Variants in ENOX1 observed in about 807,000 individuals in gnomAD.
The protein encoded by ENOX1 is ecto-NOX disulfide-thiol exchanger 1.
In ENOX1, 42 loss-of-function variants were observed where a neutral mutation model predicts 82.5. That is an observed-to-expected ratio of 0.51 (90% confidence interval 0.40 to 0.66). The LOEUF (loss-of-function observed/expected upper bound fraction) is 0.66. ENOX1 is among the 30% of genes least tolerant of loss of function. The pLI is 0.00. For synonymous variants in ENOX1, 271 were observed against 282.2 expected, an observed-to-expected ratio of 0.96 and a Z score of 0.40; for missense variants, 608 against 811.6, an observed-to-expected ratio of 0.75 and a Z score of 3.05.
intron 1 of ENOX1, among the ~76,000 whole-genome samples, chr13:43,752,686 G>A (rs1950385119): frequency 6.6e-6 from 1 of 152,124 alleles, no homozygotes; most frequent in African/African-American, 2.4e-5. Context: ...CTATACACAT[G>A]TGGATCTACT....
chr13:43,598,427 A>G (rs975752459), intron 2 of ENOX1, among the ~76,000 whole-genome samples: 6 of 152,220 alleles, frequency 3.9e-5, no homozygotes, highest in African/African-American at 1.4e-4. Context: ...AAGTACTAGT[A>G]TCAGAACTCC....
chr13:43,635,486 G>C (rs2083379540), intron 2 of ENOX1, among the ~76,000 whole-genome samples: 2 of 152,160 alleles, frequency 1.3e-5, no homozygotes, highest in Admixed American at 1.3e-4. Flanking sequence ...AATATAAAAA[G>C]AATAAATGTA....
rs544594524 is a variant in ENOX1 at position 43,449,883 on chromosome 13, A to G, written c.-75+34126T>C. Among the ~76,000 whole-genome samples, 7 of 152,316 alleles carry G rather than the reference A, an allele frequency of 4.6e-5. No homozygotes were observed. The East Asian group carries it at 7.7e-4, about 17-fold the overall frequency. Reference sequence around the variant, plus strand: ...TCCCTGGCAGCAGTTATTTCTATCTAAAGCATATATACCATATTAAGAGGC... The same window carrying G: ...TCCCTGGCAGCAGTTATTTCTATCTGAAGCATATATACCATATTAAGAGGC... On this transcript the variant is annotated intron_variant, in intron 3 of 16. Transcript: ENST00000690772.
chr13:43,347,959 T>C (rs895310664), intron 8 of ENOX1, among the ~76,000 whole-genome samples: 7 of 152,230 alleles, frequency 4.6e-5, no homozygotes, highest in African/African-American at 1.7e-4. Flanking sequence ...GTCCTCACAA[T>C]GTTAATGCAC....
At chr13:43,338,930 C>A (rs2153540349) in intron 9 of ENOX1, among the ~76,000 whole-genome samples, 1 of 152,230 alleles carries the variant, frequency 6.6e-6, no homozygotes, top group Middle Eastern at 3.4e-3. Flanking sequence ...CGTGATCCGC[C>A]CGCCTTGGCC....
At chr13:43,485,534 C>T (rs562598119) in intron 2 of ENOX1, among the ~76,000 whole-genome samples, 5 of 152,094 alleles carry the variant, frequency 3.3e-5, no homozygotes, top group South Asian at 4.1e-4. Context: ...CAAGGGAAAA[C>T]GATTGATGGT....
At chr13:43,275,475 C>G (rs991028696) in intron 12 of ENOX1, among the ~76,000 whole-genome samples, 1 of 152,010 alleles carries the variant, frequency 6.6e-6, no homozygotes, top group Non-Finnish European at 1.5e-5. Flanking sequence ...AGGAGAACTT[C>G]TGTGGGATGG....
At chr13:43,397,692 A>T (rs1000061790) in intron 5 of ENOX1, among the ~76,000 whole-genome samples, 1 of 152,244 alleles carries the variant, frequency 6.6e-6, no homozygotes, top group African/African-American at 2.4e-5. Context: ...CTTCTATGAT[A>T]GATAGCAAGA....
intron 5 of ENOX1, among the ~76,000 whole-genome samples, chr13:43,361,977 TA>T (rs10716300): frequency 0.53 from 68,328 of 128,654 alleles, 16,062 homozygotes; most frequent in Middle Eastern, 0.64. Flanking sequence ...TCCCCTGGAA[TA>T]AAAAAAAAAA....
chr13:43,607,986 AG>A (rs1356183646), intron 2 of ENOX1, among the ~76,000 whole-genome samples: 1 of 152,230 alleles, frequency 6.6e-6, no homozygotes. Context: ...CACTGAGCAG[AG>A]AAACATCCAG....
At chr13:43,304,714 C>A (rs182645903) in intron 11 of ENOX1, among the ~76,000 whole-genome samples, 1 of 152,274 alleles carries the variant, frequency 6.6e-6, no homozygotes, top group Non-Finnish European at 1.5e-5. Flanking sequence ...TGGCTGGAAC[C>A]ACTTAGGGAT....
intron 1 of ENOX1, among the ~76,000 whole-genome samples, chr13:43,719,096 A>G (rs2088367384): frequency 6.6e-6 from 1 of 152,152 alleles, no homozygotes; most frequent in South Asian, 2.1e-4. Flanking sequence ...AAGCTGATCT[A>G]GATGTAAGAC....
At chr13:43,314,905 TCAAAGGTCCA>T (rs1432157698) in intron 11 of ENOX1, among the ~76,000 whole-genome samples, 1 of 152,200 alleles carries the variant, frequency 6.6e-6, no homozygotes, top group Non-Finnish European at 1.5e-5. Context: ...GCTTCATCTC[TCAAAGGTCCA>T]CAGGAAAGAG....
chr13:43,704,652 G>A (rs371906609), intron 1 of ENOX1, among the ~76,000 whole-genome samples: 17 of 152,222 alleles, frequency 1.1e-4, no homozygotes, highest in East Asian at 7.8e-4. Context: ...GAAGAAATGC[G>A]TAGAAATAAG....
At chr13:43,493,741 G>T (rs1199606976) in intron 2 of ENOX1, among the ~76,000 whole-genome samples, 1 of 152,162 alleles carries the variant, frequency 6.6e-6, no homozygotes, top group African/African-American at 2.4e-5. Context: ...CTTTCATCAG[G>T]AGAAGGACAA....
At chr13:43,224,346 T>C (rs1365538313) in intron 15 of ENOX1, among the ~76,000 whole-genome samples, 1 of 152,238 alleles carries the variant, frequency 6.6e-6, no homozygotes, top group Non-Finnish European at 1.5e-5. Flanking sequence ...CCTGGAATGA[T>C]AGTAGTTAGC....
chr13:43,318,527 G>A (rs939567795), intron 11 of ENOX1, among the ~76,000 whole-genome samples: 10 of 152,294 alleles, frequency 6.6e-5, no homozygotes, highest in East Asian at 3.9e-4. Context: ...AATTTTGTAC[G>A]TATAAAGTTC....
intron 1 of ENOX1, among the ~76,000 whole-genome samples, chr13:43,769,928 T>C (rs921511943): frequency 6.6e-6 from 1 of 152,236 alleles, no homozygotes; most frequent in Non-Finnish European, 1.5e-5. Context: ...TAGTGTAGTT[T>C]CATGGCTTAG....
At chr13:43,411,671 C>T (rs562117408) in intron 5 of ENOX1, among the ~76,000 whole-genome samples, 7 of 152,280 alleles carry the variant, frequency 4.6e-5, no homozygotes, top group African/African-American at 1.2e-4. Flanking sequence ...TTTTAAAAAA[C>T]GCAATTGATG....
Sources: gnomAD v4.1 joint callset for allele counts (sites outside exome capture counted in the v4.1 genomes callset) on GRCh38, gnomAD v4.1.1 for gene constraint, MANE v1.5 for transcripts, NCBI Gene and HGNC (gene_info 2026-07-23, HGNC 2026-07-21) for gene names.